LINGO2: variants seen among roughly 807,000 people sequenced by gnomAD.
LINGO2 encodes leucine rich repeat and Ig domain containing 2.
In LINGO2, 14 loss-of-function variants were observed where a neutral mutation model predicts 30.6. The ratio of observed to expected loss-of-function variants is 0.46; its 90% CI spans 0.30 to 0.72. The LOEUF is 0.72. Among genes scored for constraint, LINGO2 ranks in the 30% least tolerant of loss-of-function variants. The probability of loss-of-function intolerance (pLI) is 0.07; values close to 1 mark genes in which losing one functional copy is unlikely to be tolerated. For synonymous variants in LINGO2, 317 were observed against 288.5 expected, an observed-to-expected ratio of 1.10 and a Z score of -1.00; for missense variants, 729 against 751.7, an observed-to-expected ratio of 0.97 and a Z score of 0.35.
intron 5 of LINGO2, among the ~76,000 whole-genome samples, chr9:27,972,832 A>T (rs1364331873): frequency 6.6e-6 from 1 of 152,194 alleles, no homozygotes; most frequent in Non-Finnish European, 1.5e-5. Context: ...ACAAAATTAA[A>T]CATCTAAGAG....
the LINGO2 span, among the ~76,000 whole-genome samples, chr9:28,821,602 G>T: frequency 5.9e-5 from 9 of 152,154 alleles, no homozygotes; most frequent in Admixed American, 5.2e-4. Flanking sequence ...AAGTACTTGG[G>T]CAAAGCCTGG....
At chr9:28,036,799 A>G (rs1315820404) in intron 4 of LINGO2, among the ~76,000 whole-genome samples, 1 of 152,238 alleles carries the variant, frequency 6.6e-6, no homozygotes, top group East Asian at 1.9e-4. Flanking sequence ...GGCTCCTTAC[A>G]AAGTTAGCTC....
intron 4 of LINGO2, among the ~76,000 whole-genome samples, chr9:28,268,611 T>C (rs1331696582): frequency 6.6e-6 from 1 of 152,158 alleles, no homozygotes; most frequent in African/African-American, 2.4e-5. Context: ...TATGTTTTTC[T>C]GATTTGTAAA....
the LINGO2 span, among the ~76,000 whole-genome samples, chr9:28,943,747 A>T: frequency 6.6e-6 from 1 of 152,226 alleles, no homozygotes; most frequent in South Asian, 2.1e-4. Context: ...AGGGCTGGTG[A>T]TGGATCAGTG....
intron 4 of LINGO2, among the ~76,000 whole-genome samples, chr9:28,019,407 G>A (rs1823004414): frequency 6.6e-6 from 1 of 151,672 alleles, no homozygotes; most frequent in Admixed American, 6.6e-5. Context: ...GGGAACCATG[G>A]AAAGAAACAA....
chr9:28,934,672 A>C, the LINGO2 span, among the ~76,000 whole-genome samples: 1 of 150,630 alleles, frequency 6.6e-6, no homozygotes, highest in Non-Finnish European at 1.5e-5. Flanking sequence ...TCTTTGCAGC[A>C]AAAAAAGGGA....
intron 4 of LINGO2, among the ~76,000 whole-genome samples, chr9:28,037,355 A>G (rs1823987751): frequency 6.6e-6 from 1 of 152,114 alleles, no homozygotes; most frequent in Admixed American, 6.5e-5. Context: ...GTAAGACTAA[A>G]TTGCTTACTA....
chr9:28,814,466 G>T, the LINGO2 span, among the ~76,000 whole-genome samples: 1 of 152,098 alleles, frequency 6.6e-6, no homozygotes, highest in Non-Finnish European at 1.5e-5. Context: ...TAAGACTTCT[G>T]ATGCCATGTC....
the LINGO2 span, among the ~76,000 whole-genome samples, chr9:28,854,197 G>T: frequency 6.6e-6 from 1 of 151,858 alleles, no homozygotes; most frequent in Non-Finnish European, 1.5e-5. Flanking sequence ...TGCCAATAAT[G>T]CCATGGCGGA....
chr9:28,882,094 T>C, the LINGO2 span, among the ~76,000 whole-genome samples: 1 of 152,214 alleles, frequency 6.6e-6, no homozygotes, highest in Non-Finnish European at 1.5e-5. Context: ...ATAATCAAAA[T>C]CTGTACTTTC....
intron 4 of LINGO2, among the ~76,000 whole-genome samples, chr9:28,290,286 A>T (rs1823673453): frequency 6.6e-6 from 1 of 152,156 alleles, no homozygotes; most frequent in South Asian, 2.1e-4. Flanking sequence ...CTTACTGGAT[A>T]CTTGTTTTCA....
intron 1 of LINGO2, among the ~76,000 whole-genome samples, chr9:28,593,245 G>T (rs886228924): frequency 1.3e-5 from 2 of 152,050 alleles, no homozygotes; most frequent in African/African-American, 2.4e-5. Flanking sequence ...CCTAATATTT[G>T]CTGGCTCTGA....
the LINGO2 span, among the ~76,000 whole-genome samples, chr9:29,076,524 T>A: frequency 6.7e-6 from 1 of 150,304 alleles, no homozygotes; most frequent in Non-Finnish European, 1.5e-5. Context: ...GAGTATGGTA[T>A]AGGCAGAGTG....
At chr9:28,128,120 A>G (rs1438741462) in intron 4 of LINGO2, among the ~76,000 whole-genome samples, 1 of 152,222 alleles carries the variant, frequency 6.6e-6, no homozygotes, top group Admixed American at 6.5e-5. Flanking sequence ...ACAGGAAGGT[A>G]AGTTAAAAAT....
chr9:28,122,526 T>C (rs898591158), intron 4 of LINGO2, among the ~76,000 whole-genome samples: 10 of 152,186 alleles, frequency 6.6e-5, no homozygotes, highest in African/African-American at 2.4e-4. Flanking sequence ...ATCACACAGG[T>C]CCAAATGGAA....
Position 28,653,328 on chromosome 9 carries a change from A to C in LINGO2, c.-365+16872T>G, listed in dbSNP as rs1828193160. Among the ~76,000 whole-genome samples, 2 of 152,172 alleles carry C rather than the reference A, an allele frequency of 1.3e-5. 1 individual carries two copies. The highest frequency in any genetic ancestry group is 4.1e-4 in the South Asian group (2 of 4,832). On this transcript the variant is annotated intron_variant, in intron 1 of 5. Coordinates refer to ENST00000379992, the Ensembl canonical transcript of LINGO2. ...TCTTCAGTCACCTTGGCAAAAAAAG[A>C]CAATGCTAGAGAATCTTGCAATTAA...
chr9:28,118,667 T>G (rs1459494853), intron 4 of LINGO2, among the ~76,000 whole-genome samples: 1 of 152,214 alleles, frequency 6.6e-6, no homozygotes, highest in Non-Finnish European at 1.5e-5. Context: ...ATTGCAGCAT[T>G]CATATACAAT....
intron 4 of LINGO2, among the ~76,000 whole-genome samples, chr9:28,157,557 C>G (rs1828167673): frequency 6.6e-6 from 1 of 152,204 alleles, no homozygotes; most frequent in Non-Finnish European, 1.5e-5. Flanking sequence ...GTTACTTATG[C>G]AGATTTCTGC....
At chr9:28,166,760 TG>T (rs1421544217) in intron 4 of LINGO2, among the ~76,000 whole-genome samples, 31 of 152,136 alleles carry the variant, frequency 2.0e-4, no homozygotes, top group Middle Eastern at 6.8e-3. Context: ...ATTCCAAAGT[TG>T]GGTCTTTATT....
Sources: gnomAD v4.1 joint callset for allele counts (sites outside exome capture counted in the v4.1 genomes callset) on GRCh38, gnomAD v4.1.1 for gene constraint, MANE v1.5 for transcripts, NCBI Gene and HGNC (gene_info 2026-07-23, HGNC 2026-07-21) for gene names.